HIVEP2: variants seen among roughly 807,000 people sequenced by gnomAD.
The protein encoded by HIVEP2 is transcription factor HIVEP2.
In HIVEP2, 14 loss-of-function variants were observed where a neutral mutation model predicts 180.7. The observed-to-expected ratio is 0.08, with a 90% confidence interval of 0.05 to 0.12. The LOEUF (loss-of-function observed/expected upper bound fraction) is 0.12, where lower values mean the gene tolerates loss of function less well. Ranked by LOEUF, HIVEP2 falls within the 10% of genes least tolerant of loss-of-function variation. The probability of loss-of-function intolerance (pLI) is 1.00; values close to 1 mark genes in which losing one functional copy is unlikely to be tolerated. For synonymous variants in HIVEP2, 1,184 were observed against 1,136.4 expected, an observed-to-expected ratio of 1.04 and a Z score of -0.84; for missense variants, 2,579 against 3,008.5, an observed-to-expected ratio of 0.86 and a Z score of 3.34.
At chr6:142,755,865 C>T (rs1459457254) in intron 9 of HIVEP2, among the ~76,000 whole-genome samples, 1 of 152,152 alleles carries the variant, frequency 6.6e-6, no homozygotes, top group Non-Finnish European at 1.5e-5. Context: ...CCCCACCAGG[C>T]ATTTCTACAC....
chr6:142,881,368 G>T (rs1218846847), intron 1 of HIVEP2, among the ~76,000 whole-genome samples: 2 of 152,132 alleles, frequency 1.3e-5, no homozygotes, highest in African/African-American at 4.8e-5. Context: ...TTTGGAAAGA[G>T]AATTTTTTAA....
chr6:142,908,792 T>C (rs528619763), intron 1 of HIVEP2, among the ~76,000 whole-genome samples: 1 of 142,322 alleles, frequency 7.0e-6, no homozygotes, highest in East Asian at 2.0e-4. Context: ...TTAGACCAAA[T>C]ATGTACCTAT....
chr6:142,912,588 A>G (rs571536032), intron 1 of HIVEP2, among the ~76,000 whole-genome samples: 25 of 152,354 alleles, frequency 1.6e-4, no homozygotes, highest in Non-Finnish European at 3.2e-4. Context: ...GCACAGCACC[A>G]GGTGAGTGGT....
intron 2 of HIVEP2, among the ~76,000 whole-genome samples, chr6:142,811,200 T>TGTGTGA (rs552093555): frequency 6.6e-6 from 1 of 151,528 alleles, no homozygotes; most frequent in African/African-American, 2.4e-5. Context: ...TGTGTGTGTG[T>TGTGTGA]GAGAGAGACA....
intron 1 of HIVEP2, among the ~76,000 whole-genome samples, chr6:142,925,121 C>T (rs577953654): frequency 6.6e-6 from 1 of 152,292 alleles, no homozygotes; most frequent in East Asian, 1.9e-4. Flanking sequence ...AACTAACATG[C>T]ACTTTAGAAG....
intron 1 of HIVEP2, among the ~76,000 whole-genome samples, chr6:142,927,000 C>CGCGGGGCG (rs1562295176): frequency 1.3e-5 from 2 of 151,478 alleles, no homozygotes; most frequent in African/African-American, 4.8e-5. Context: ...GGGCAGGCAG[C>CGCGGGGCG]GCGCGGCGGC....
At chr6:142,872,665 G>C (rs1161143985) in intron 1 of HIVEP2, among the ~76,000 whole-genome samples, 7 of 152,062 alleles carry the variant, frequency 4.6e-5, no homozygotes, top group African/African-American at 1.7e-4. Flanking sequence ...CAAAGGAAAA[G>C]GTCCAAGACA....
intron 1 of HIVEP2, among the ~76,000 whole-genome samples, chr6:142,884,511 T>C (rs1019678704): frequency 2.0e-5 from 3 of 151,938 alleles, no homozygotes; most frequent in Non-Finnish European, 4.4e-5. Context: ...TAAACAAACA[T>C]CGACAAACCA....
At chr6:142,829,893 T>C (rs1775030889) in intron 2 of HIVEP2, among the ~76,000 whole-genome samples, 1 of 152,240 alleles carries the variant, frequency 6.6e-6, no homozygotes, top group Non-Finnish European at 1.5e-5. Flanking sequence ...GGAAATCTTT[T>C]TATGGCTCAA....
chr6:142,828,524 C>A (rs986378511), intron 2 of HIVEP2, among the ~76,000 whole-genome samples: 3 of 152,022 alleles, frequency 2.0e-5, no homozygotes, highest in Admixed American at 2.0e-4. Flanking sequence ...ACAACCTCCA[C>A]CTTCTGGGTT....
chr6:142,885,816 C>T (rs138534640), intron 1 of HIVEP2, among the ~76,000 whole-genome samples: 2 of 152,262 alleles, frequency 1.3e-5, no homozygotes, highest in East Asian at 3.9e-4. Context: ...ACTTTATAAG[C>T]CGTAAACAGT....
At chr6:142,861,279 T>C (rs974343998) in intron 1 of HIVEP2, among the ~76,000 whole-genome samples, 2 of 152,240 alleles carry the variant, frequency 1.3e-5, no homozygotes, top group Non-Finnish European at 2.9e-5. Flanking sequence ...GACAAATCAA[T>C]TGGAATGGCC....
rs1228788940 is a variant in HIVEP2, at chr6:142,839,164, A to T, written c.-640-2117T>A. On this transcript the variant is annotated intron_variant, in intron 1 of 9. Coordinates refer to ENST00000367603, the MANE Select transcript of HIVEP2 (RefSeq NM_006734.4). ...CCTGTGCAACAGGTAAGCCTCGCGT[A>T]CAAACCACAATATAATATTTATTTA... Among the ~76,000 whole-genome samples, 4 of 152,196 alleles carry T rather than the reference A, an allele frequency of 2.6e-5. No individual in the cohort carries two copies. The East Asian group carries it at 5.8e-4, about 22-fold the overall frequency.
At chr6:142,892,938 C>T (rs1026562288) in intron 1 of HIVEP2, among the ~76,000 whole-genome samples, 1 of 152,144 alleles carries the variant, frequency 6.6e-6, no homozygotes, top group Non-Finnish European at 1.5e-5. Context: ...AAGTGGAGCT[C>T]GGCGAGGCTT....
chr6:142,932,905 C>T (rs1050095357), intron 1 of HIVEP2, among the ~76,000 whole-genome samples: 1 of 152,170 alleles, frequency 6.6e-6, no homozygotes, highest in Non-Finnish European at 1.5e-5. Context: ...TGTCCTGTCA[C>T]CAGTTGACAA....
At chr6:142,808,318 T>A (rs555011370) in intron 2 of HIVEP2, among the ~76,000 whole-genome samples, 1 of 151,774 alleles carries the variant, frequency 6.6e-6, no homozygotes, top group Non-Finnish European at 1.5e-5. Context: ...TGTGGGTGAA[T>A]GGATGGAAGG....
intron 1 of HIVEP2, among the ~76,000 whole-genome samples, chr6:142,854,127 C>A (rs1031888501): frequency 6.6e-6 from 1 of 152,158 alleles, no homozygotes; most frequent in Non-Finnish European, 1.5e-5. Flanking sequence ...GCTGTGCCAT[C>A]CCCCTCAGAT....
At chr6:142,805,518 T>G (rs916946102) in intron 2 of HIVEP2, among the ~76,000 whole-genome samples, 1 of 151,656 alleles carries the variant, frequency 6.6e-6, no homozygotes, top group Non-Finnish European at 1.5e-5. Flanking sequence ...AAAGGAATCC[T>G]GCCTTCCTTT....
intron 2 of HIVEP2, among the ~76,000 whole-genome samples, chr6:142,802,787 A>G (rs1244214105): frequency 6.6e-6 from 1 of 152,176 alleles, no homozygotes; most frequent in Non-Finnish European, 1.5e-5. Flanking sequence ...ACACAAAGAA[A>G]AGATAAAAAT....
Sources: allele counts gnomAD v4.1 joint callset (sites outside exome capture counted in the v4.1 genomes callset), GRCh38; gene constraint gnomAD v4.1.1; transcripts MANE v1.5; gene names NCBI Gene and HGNC (gene_info 2026-07-23, HGNC 2026-07-21).